The following ADH6 variants were observed in gnomAD, a reference collection of about 807,000 sequenced individuals.
ADH6 encodes the protein alcohol dehydrogenase 6 (class V), also known as alcohol dehydrogenase 6.
ADH6 carries 34 observed loss-of-function variants against 36.5 expected under a neutral mutation model. The observed-to-expected ratio is 0.93, with a 90% CI of 0.71 to 1.24. ADH6 has a LOEUF of 1.24. Among genes scored for constraint, ADH6 ranks in the 50% most tolerant of loss-of-function variants. The pLI is 0.00. For synonymous variants in ADH6, 161 were observed against 155.5 expected (o/e 1.04, Z -0.26); for missense variants, 440 against 447.0 (o/e 0.98, Z 0.14).
At chr4:99,213,991 T>G (rs955307468) in intron 2 of ADH6, among the ~76,000 whole-genome samples, 2 of 152,088 alleles carry the variant, frequency 1.3e-5, no homozygotes. Flanking sequence ...TAGAATGGGG[T>G]CAGAAGAGAA....
At chr4:99,204,531 G>A in intron 8 of ADH6, 2 of 1,247,396 alleles carry the variant, frequency 1.6e-6, no homozygotes, top group Non-Finnish European at 2.0e-6. Context: ...GGAATCCTAT[G>A]AATAATTCCT....
rs1304798923 is a variant in ADH6, at chr4:99,204,957, A to T, written c.1071T>A (p.Asn357Lys). ...CAGTTTTCATTAATTCAACTGCTTC[A>T]TTGATTTTATCAAGATTCAGAGTAT... is the stretch of plus-strand genomic sequence containing the variant. ...ITHTLNLDKI[N>K]EAVELMKTGK... Residue 357 changes from asparagine to lysine, a missense_variant, in exon 8 of 9, where the codon AAT becomes AAA. By Grantham distance (94) the Asn-to-Lys change is moderately conservative. Coordinates refer to ENST00000394899, the MANE Select transcript of ADH6 (RefSeq NM_001102470.2). 1.9e-6 allele frequency: 3 copies of T among 1,609,420 alleles called. No individual in the cohort carries two copies. Among genetic ancestry groups the T allele is most frequent in the Non-Finnish European group, 2.5e-6 (3 of 1,178,332 alleles).
intron 2 of ADH6, among the ~76,000 whole-genome samples, chr4:99,215,336 T>C (rs1363005716): frequency 5.3e-5 from 8 of 152,270 alleles, no homozygotes; most frequent in Non-Finnish European, 1.2e-4. Context: ...TTGTTATAAT[T>C]AAAATAATAA....
chr4:99,204,636 A>G lies in ADH6; in HGVS notation c.1103+289T>C, dbSNP rs982014269. ...ACTTGAGCTACAATTTTATAAGCTG[A>G]CTTCCATTAATATGTCATGTAAAAA... On this transcript the variant is annotated intron_variant, in intron 8 of 8. Transcript: ENST00000394899. 4.2e-6 allele frequency: 5 copies of G among 1,183,352 alleles called. No individual in the cohort carries two copies. The Admixed American group carries it at 2.2e-4, about 52-fold the overall frequency. The allele number at this position is 1,183,352 out of a possible 1,614,324, so 73.3% of individuals were successfully genotyped here.
At chr4:99,208,979 A>G in intron 5 of ADH6, 51 bp from the exon 6 acceptor site, 1 of 1,565,572 alleles carries the variant, frequency 6.4e-7, no homozygotes, top group Non-Finnish European at 8.6e-7. Flanking sequence ...AAGAGAACAT[A>G]CACCTTTACT....
At chr4:99,207,631 G>C in intron 6 of ADH6, 50 bp from the exon 7 acceptor site, 1 of 1,568,646 alleles carries the variant, frequency 6.4e-7, no homozygotes, top group East Asian at 2.3e-5. Flanking sequence ...ATGTATGTGA[G>C]GATTGAGCCT....
In ADH6 at chr4:99,207,569, C is replaced by G; in HGVS notation, c.841G>C (p.Ala281Pro). The change falls in exon 7 of 9, where the codon GCC becomes CCC. Residue 281 changes from alanine to proline, a missense_variant. Transcript: ENST00000394899. ...ACCCCATAGCTCTCATTGCAGGAGG[C>G]GAGGGCAGCTGCCTGTTAGAAAGTG... ...GNLDVLAAAL[A>P]SCNESYGVCV... 1.2e-6 allele frequency: 2 copies of G among 1,613,178 alleles called. No homozygotes were observed. The highest frequency in any genetic ancestry group is 1.7e-6 in the Non-Finnish European group (2 of 1,179,526).
intron 8 of ADH6, chr4:99,204,579 C>T: frequency 8.4e-7 from 1 of 1,191,064 alleles, no homozygotes; most frequent in Non-Finnish European, 1.0e-6. Flanking sequence ...ACAACAATGG[C>T]CTATTTGTGA....
chr4:99,210,066 T>A lies in ADH6; in HGVS notation c.567+16A>T. On this transcript the variant is annotated intron_variant, in intron 5 of 8. Coordinates refer to ENST00000394899, the MANE Select transcript of ADH6 (RefSeq NM_001102470.2). ...TCCCAATAATTCCCTTCCAAATGGGTATAAATGCCCCTCACCTTGGCAGTA... is the reference window on the plus strand; with the variant it reads ...TCCCAATAATTCCCTTCCAAATGGGAATAAATGCCCCTCACCTTGGCAGTA... 3 of 1,610,582 alleles carry A rather than the reference T, an allele frequency of 1.9e-6. No homozygotes were observed. Among genetic ancestry groups the A allele is most frequent in the Non-Finnish European group, 1.7e-6 (2 of 1,177,676 alleles).
At chr4:99,210,791 T>C (rs1731199908) in intron 3 of ADH6, among the ~76,000 whole-genome samples, 1 of 152,196 alleles carries the variant, frequency 6.6e-6, no homozygotes, top group East Asian at 1.9e-4. Context: ...TTTTGTCATA[T>C]ATCCATTCAG....
At chr4:99,213,242 T>A (rs933789152) in intron 3 of ADH6, among the ~76,000 whole-genome samples, 2 of 152,214 alleles carry the variant, frequency 1.3e-5, no homozygotes, top group African/African-American at 2.4e-5. Context: ...AATTCTGGAC[T>A]GCTTCTTTAT....
At chr4:99,217,218 AG>A (rs1731470923) in intron 1 of ADH6, among the ~76,000 whole-genome samples, 1 of 151,794 alleles carries the variant, frequency 6.6e-6, no homozygotes, top group South Asian at 2.1e-4. Context: ...TTGTATTTTT[AG>A]TAGAGACGGG....
At chr4:99,212,259 T>A (rs1731251009) in intron 3 of ADH6, among the ~76,000 whole-genome samples, 1 of 152,150 alleles carries the variant, frequency 6.6e-6, no homozygotes, top group Non-Finnish European at 1.5e-5. Context: ...ATGAGGGAGC[T>A]GTCTGCCTAT....
rs1460625019 is a variant in ADH6 at position 99,207,496 on chromosome 4, C to T, written c.914G>A (p.Ser305Asn). 2 of 1,613,526 alleles carry T rather than the reference C, an allele frequency of 1.2e-6. No individual in the cohort carries two copies. The highest frequency in any genetic ancestry group is 2.7e-5 in the African/African-American group (2 of 74,854). Residue 305 changes from serine (S) to asparagine (N), a missense_variant, in exon 7 of 9, where the codon AGT (serine) becomes AAT (asparagine). By Grantham distance (46) the Ser-to-Asn change is conservative. Transcript: ENST00000394899. ...VLPASVQLKI[S>N]GQLFFSGRSL... Reference sequence around the variant, plus strand: ...ACGTCCTGAGAAGAACAACTGGCCACTGATTTTGAGTTGAACACTGGCAGG... The same window carrying T: ...ACGTCCTGAGAAGAACAACTGGCCATTGATTTTGAGTTGAACACTGGCAGG...
intron 6 of ADH6, 60 bp downstream of exon 6, chr4:99,208,608 T>A (rs538233067): frequency 1.3e-6 from 2 of 1,528,428 alleles, no homozygotes; most frequent in East Asian, 4.5e-5. Flanking sequence ...CTCATTCAAC[T>A]ATAATCTAAA....
Position 99,213,588 on chromosome 4 carries a change from CCAGGTG to C in ADH6, c.262+12_262+17del. 5 of 1,583,030 alleles carry C rather than the reference CCAGGTG, an allele frequency of 3.2e-6. No homozygotes were observed. Among genetic ancestry groups the C allele is most frequent in the Non-Finnish European group, 4.3e-6 (5 of 1,166,738 alleles). Reference sequence around the variant, plus strand: ...TCCAAGTTGTTGCTGTTTCCTATTACCAGGTGCTAATTCCTACCTGGTTTCACTGTG... The same window carrying C: ...TCCAAGTTGTTGCTGTTTCCTATTACCTAATTCCTACCTGGTTTCACTGTG... On this transcript the variant is annotated intron_variant, in intron 3 of 8. Coordinates refer to ENST00000394899, the MANE Select transcript of ADH6 (RefSeq NM_001102470.2).
chr4:99,217,337 T>C (rs543834286), intron 1 of ADH6, among the ~76,000 whole-genome samples: 1 of 152,182 alleles, frequency 6.6e-6, no homozygotes, highest in East Asian at 1.9e-4. Context: ...CGCCCGGCCA[T>C]GTTTGTACCT....
rs1560805281 is a variant in ADH6, at chr4:99,208,735, ACTT to A, written c.758_760del (p.Glu253del). On this transcript the variant is annotated inframe_deletion, in exon 6 of 9. Coordinates refer to ENST00000394899, the MANE Select transcript of ADH6 (RefSeq NM_001102470.2). ...ACCAGCATCTGTCATATCAAATAAA[ACTT>A]CTTGAATGGGTTTCTTTAAGTCCTG... is the stretch of plus-strand genomic sequence containing the variant. 1 of 1,613,788 alleles carries A rather than the reference ACTT, an allele frequency of 6.2e-7. No homozygotes were observed. Among genetic ancestry groups the A allele is most frequent in the Admixed American group, 1.7e-5 (1 of 59,990 alleles).
intron 7 of ADH6, among the ~76,000 whole-genome samples, chr4:99,206,297 CTA>C (rs1463066795): frequency 6.6e-6 from 1 of 152,012 alleles, no homozygotes; most frequent in African/African-American, 2.4e-5. Flanking sequence ...AACCAGAGGA[CTA>C]TACTATTTGT....
Sources: allele counts gnomAD v4.1 joint callset (sites outside exome capture counted in the v4.1 genomes callset), GRCh38; gene constraint gnomAD v4.1.1; transcripts MANE v1.5; gene names NCBI Gene and HGNC (gene_info 2026-07-23, HGNC 2026-07-21).